ATP8A2: variants seen among roughly 807,000 people sequenced by gnomAD.
ATP8A2 encodes the protein phospholipid-transporting ATPase IB.
A neutral mutation model predicts 165.6 loss-of-function variants in ATP8A2; 100 were observed. The ratio of observed to expected loss-of-function variants is 0.60; its 90% CI spans 0.51 to 0.71. ATP8A2 has a LOEUF of 0.71. ATP8A2 is among the 30% of genes least tolerant of loss of function. The probability of loss-of-function intolerance (pLI) is 0.00; values close to 1 mark genes in which losing one functional copy is unlikely to be tolerated. For missense variants in ATP8A2, 1,227 were observed against 1,479.5 expected, an observed-to-expected ratio of 0.83 and a Z score of 2.80; for synonymous variants, 543 against 548.8, an observed-to-expected ratio of 0.99 and a Z score of 0.15.
chr13:25,403,118 A>G (rs1430648249), intron 1 of ATP8A2, among the ~76,000 whole-genome samples: 1 of 152,158 alleles, frequency 6.6e-6, no homozygotes, highest in African/African-American at 2.4e-5. Flanking sequence ...ATTACATTTC[A>G]ATACGAACTG....
intron 24 of ATP8A2, among the ~76,000 whole-genome samples, chr13:25,668,752 G>T (rs2042206166): frequency 6.6e-6 from 1 of 151,968 alleles, no homozygotes; most frequent in African/African-American, 2.4e-5. Flanking sequence ...TGATTTAACA[G>T]TATATAAAAT....
chr13:25,682,940 AG>A (rs2042524231), intron 24 of ATP8A2, among the ~76,000 whole-genome samples: 2 of 152,262 alleles, frequency 1.3e-5, no homozygotes, highest in African/African-American at 4.8e-5. Context: ...TTGGGTTTTC[AG>A]GAAAAAATTC....
At chr13:25,434,546 G>T (rs537248220) in intron 1 of ATP8A2, among the ~76,000 whole-genome samples, 66 of 151,958 alleles carry the variant, frequency 4.3e-4, no homozygotes, top group South Asian at 1.2e-3. Flanking sequence ...GTAGGGTTTT[G>T]CCATGTTGGC....
rs371204144 is a variant in ATP8A2, at chr13:25,953,028, G to T, written c.3184-8547G>T. 2.0e-5 allele frequency among the ~76,000 whole-genome samples: 3 copies of T among 152,200 alleles called. No individual in the cohort carries two copies. The East Asian group carries it at 5.8e-4, about 29-fold the overall frequency. On this transcript the variant is annotated intron_variant, in intron 33 of 36. Coordinates refer to ENST00000381655, the MANE Select transcript of ATP8A2 (RefSeq NM_016529.6). The surrounding 1 kb of genome is among the most constrained non-coding windows in gnomAD (Gnocchi z 6.7). ...AAATTTTAGGAGGCAACACTGAGGG[G>T]CAAGGAGGGCTGAGAAGAGAAGGTG...
intron 25 of ATP8A2, among the ~76,000 whole-genome samples, chr13:25,725,880 A>G (rs1427236343): frequency 6.6e-6 from 1 of 152,204 alleles, no homozygotes; most frequent in African/African-American, 2.4e-5. Context: ...TCCTACCAGC[A>G]TACACTCATT....
At chr13:25,792,974 AG>A (rs1566143751) in intron 27 of ATP8A2, among the ~76,000 whole-genome samples, 1 of 143,790 alleles carries the variant, frequency 7.0e-6, no homozygotes, top group Middle Eastern at 3.2e-3. Flanking sequence ...AGGAGAGGGG[AG>A]GAGAGGAGAG....
intron 20 of ATP8A2, among the ~76,000 whole-genome samples, chr13:25,578,259 T>C (rs79098028): frequency 0.038 from 5,800 of 152,322 alleles, 137 homozygotes; most frequent in Non-Finnish European, 0.051. Flanking sequence ...CTATGCAATT[T>C]GTAACACATT....
chr13:25,979,802 G>A (rs1378092106), intron 35 of ATP8A2, among the ~76,000 whole-genome samples: 1 of 152,184 alleles, frequency 6.6e-6, no homozygotes, highest in Non-Finnish European at 1.5e-5. Context: ...AGGACATAAC[G>A]GGGAGTGAAT....
chr13:25,903,553 T>C (rs1953833881), intron 33 of ATP8A2, among the ~76,000 whole-genome samples: 1 of 152,224 alleles, frequency 6.6e-6, no homozygotes, highest in South Asian at 2.1e-4. Context: ...AGAGTAAGTC[T>C]AAGTCCTTGC....
chr13:25,596,296 C>T (rs567546814), intron 24 of ATP8A2, among the ~76,000 whole-genome samples: 7 of 152,252 alleles, frequency 4.6e-5, no homozygotes, highest in Admixed American at 4.6e-4. Context: ...TTTAAATCAG[C>T]TCTATTGAGA....
At chr13:25,616,688 A>C (rs1211749342) in intron 24 of ATP8A2, among the ~76,000 whole-genome samples, 1 of 152,000 alleles carries the variant, frequency 6.6e-6, no homozygotes, top group Non-Finnish European at 1.5e-5. Flanking sequence ...GTCCCTAATA[A>C]TTTCCTATTT....
At chr13:25,586,850 G>T (rs1255738457) in intron 23 of ATP8A2, among the ~76,000 whole-genome samples, 3 of 152,066 alleles carry the variant, frequency 2.0e-5, no homozygotes, top group Non-Finnish European at 4.4e-5. Context: ...TGACAGATTT[G>T]GTTTAGTAAT....
chr13:25,806,392 G>C (rs1950741744), intron 27 of ATP8A2, among the ~76,000 whole-genome samples: 1 of 152,080 alleles, frequency 6.6e-6, no homozygotes, highest in African/African-American at 2.4e-5. Flanking sequence ...AGGCCCACTT[G>C]AAGGGTTGGT....
At chr13:25,862,158 G>C in intron 32 of ATP8A2, 143 bp from the exon 33 acceptor site, 1 of 602,338 alleles carries the variant, frequency 1.7e-6, no homozygotes, top group Non-Finnish European at 3.0e-6. Context: ...TAGAAAGATT[G>C]AACTTCCCAT....
chr13:25,619,092 C>T (rs2040902917), intron 24 of ATP8A2, among the ~76,000 whole-genome samples: 1 of 151,518 alleles, frequency 6.6e-6, no homozygotes, highest in African/African-American at 2.4e-5. Flanking sequence ...CTCAGGTAAA[C>T]TGAAGGAGAG....
intron 24 of ATP8A2, among the ~76,000 whole-genome samples, chr13:25,654,927 C>CA (rs2041894232): frequency 6.6e-6 from 1 of 152,116 alleles, no homozygotes; most frequent in Admixed American, 6.5e-5. Flanking sequence ...CAGAAGTCTC[C>CA]AAAATTGGTA....
At chr13:25,693,532 G>T (rs904021329) in intron 24 of ATP8A2, among the ~76,000 whole-genome samples, 2 of 152,064 alleles carry the variant, frequency 1.3e-5, no homozygotes, top group African/African-American at 4.8e-5. Flanking sequence ...CAGATGAAGG[G>T]CAGGGAGAAG....
At chr13:25,808,616 T>G (rs1303639511) in intron 27 of ATP8A2, among the ~76,000 whole-genome samples, 2 of 151,810 alleles carry the variant, frequency 1.3e-5, no homozygotes, top group African/African-American at 4.8e-5. Context: ...AAAAAAAATT[T>G]TTTTTTTGTA....
At chr13:26,007,150 A>G (rs1956758410) in intron 35 of ATP8A2, among the ~76,000 whole-genome samples, 1 of 152,136 alleles carries the variant, frequency 6.6e-6, no homozygotes, top group South Asian at 2.1e-4. Flanking sequence ...CTTCCAAACC[A>G]TATATAGATG....
Sources: allele counts gnomAD v4.1 joint callset (sites outside exome capture counted in the v4.1 genomes callset), GRCh38; gene constraint gnomAD v4.1.1; non-coding constraint Gnocchi (gnomAD v3.1); transcripts MANE v1.5; gene names NCBI Gene and HGNC (gene_info 2026-07-23, HGNC 2026-07-21).